The following P3H2 variants were observed in gnomAD, a reference collection of about 807,000 sequenced individuals.
The protein encoded by P3H2 is leprecan-like 1.
P3H2 carries 80 observed loss-of-function variants against 87.0 expected under a neutral mutation model. The observed-to-expected ratio is 0.92, with a 90% CI of 0.77 to 1.11. The LOEUF (loss-of-function observed/expected upper bound fraction) is 1.11, where lower values mean the gene tolerates loss of function less well. Ranked by LOEUF, P3H2 falls within the 50% of genes least tolerant of loss-of-function variation. The pLI is 0.00. For synonymous variants in P3H2, 367 were observed against 359.3 expected, an observed-to-expected ratio of 1.02 and a Z score of -0.24; for missense variants, 1,001 against 923.9, an observed-to-expected ratio of 1.08 and a Z score of -1.08.
intron 1 of P3H2, among the ~76,000 whole-genome samples, chr3:190,096,872 T>C (rs1727605399): frequency 6.6e-6 from 1 of 152,190 alleles, no homozygotes; most frequent in African/African-American, 2.4e-5. Flanking sequence ...CATCTTTTTA[T>C]GAAAAGATAA....
chr3:189,969,694 G>T, intron 13 of P3H2: 1 of 1,337,086 alleles, frequency 7.5e-7, no homozygotes, highest in Non-Finnish European at 1.1e-6. Context: ...TTGCAAGGAG[G>T]ACACAATCAA....
At chr3:190,051,355 T>C (rs1045683872) in intron 1 of P3H2, among the ~76,000 whole-genome samples, 2 of 51,412 alleles carry the variant, frequency 3.9e-5, no homozygotes, top group African/African-American at 1.1e-4. Flanking sequence ...TAGAATTTTA[T>C]GGCATTAAGA....
rs752514367 is a variant in P3H2 at position 190,120,405 on chromosome 3, A to G, written c.327T>C (p.Leu109=). The change falls in exon 1 of 15, where the codon CTT becomes CTC. Residue 109 remains leucine (L), a synonymous_variant. Coordinates refer to ENST00000319332, the MANE Select transcript of P3H2 (RefSeq NM_018192.4). ...PGEGPGAELP[L]FRSLLGRARC... ...GCGCCCGCCCCAACAAGGAGCGGAA[A>G]AGGGGCAGCTCAGCGCCGGGGCCCT... 2.2e-5 allele frequency: 34 copies of G among 1,538,826 alleles called. No homozygotes were observed. In the Admixed American group the frequency reaches 6.5e-4, roughly 29 times the overall value.
At chr3:190,056,841 G>A (rs186420012) in intron 1 of P3H2, among the ~76,000 whole-genome samples, 42 of 152,244 alleles carry the variant, frequency 2.8e-4, no homozygotes, top group Admixed American at 2.0e-3. Context: ...TTTGCCTAGG[G>A]AAAGTCCTCA....
At chr3:190,073,060 T>A (rs1726757211) in intron 1 of P3H2, among the ~76,000 whole-genome samples, 1 of 152,298 alleles carries the variant, frequency 6.6e-6, no homozygotes, top group South Asian at 2.1e-4. Context: ...TCACGTGGTA[T>A]AAAAGAGGTA....
At chr3:190,052,689 G>GTA (rs112938637) in intron 1 of P3H2, among the ~76,000 whole-genome samples, 2,530 of 148,446 alleles carry the variant, frequency 0.017, 37 homozygotes, top group African/African-American at 0.043. Context: ...GTGTGTGTGT[G>GTA]TATATATATA....
intron 1 of P3H2, among the ~76,000 whole-genome samples, chr3:190,097,460 AACAAAACGATTCC>A (rs1233222179): frequency 6.6e-6 from 1 of 152,198 alleles, no homozygotes; most frequent in Non-Finnish European, 1.5e-5. Flanking sequence ...TGAAAAATAA[AACAAAACGATTCC>A]ACCTGTTATG....
intron 14 of P3H2, among the ~76,000 whole-genome samples, chr3:189,962,140 T>G (rs1048264422): frequency 6.7e-6 from 1 of 149,204 alleles, no homozygotes; most frequent in Non-Finnish European, 1.5e-5. Context: ...GTCAGGGCCT[T>G]TCTTTCTTTT....
In P3H2 at chr3:190,120,697, A is replaced by G; in HGVS notation, c.35T>C (p.Leu12Pro). 2 of 1,521,102 alleles carry G rather than the reference A, an allele frequency of 1.3e-6. No homozygotes were observed. Among genetic ancestry groups the G allele is most frequent in the African/African-American group, 1.4e-5 (1 of 71,116 alleles). 94.2% of individuals were successfully genotyped at this position (1,521,102 alleles called of 1,614,324 possible). ...RERIWAPPLLLLLPLLLPPPL... is the reference protein window; with the variant it reads ...RERIWAPPLLPLLPLLLPPPL... ...CGGCGGCAGTAGCAGCGGCAGCAGC[A>G]GCAGCAGCGGCGGCGCCCAGATGCG... Residue 12 changes from leucine (L) to proline (P), a missense_variant, in exon 1 of 15, where the codon CTG becomes CCG. Leu to Pro is a moderately conservative substitution (Grantham distance 98). Transcript: ENST00000319332.
At chr3:189,969,395 T>C (rs1033854598) in intron 13 of P3H2, 57 of 793,798 alleles carry the variant, frequency 7.2e-5, no homozygotes, top group Admixed American at 3.9e-5. Context: ...AGTCCTAGCT[T>C]CTTAGCAGTC....
chr3:190,017,181 C>T (rs1724782258), intron 1 of P3H2, among the ~76,000 whole-genome samples: 2 of 152,000 alleles, frequency 1.3e-5, no homozygotes, highest in Admixed American at 1.3e-4. Flanking sequence ...AAAGGTCTCT[C>T]CATATCCTGA....
intron 14 of P3H2, among the ~76,000 whole-genome samples, chr3:189,962,224 G>C (rs1457363212): frequency 1.5e-5 from 2 of 137,588 alleles, no homozygotes; most frequent in African/African-American, 5.4e-5. Context: ...GTTACAGTGT[G>C]GTGGAGTGAT....
chr3:190,041,557 C>A lies in P3H2; in HGVS notation c.481-46115G>T, dbSNP rs192202970. The stretch of plus-strand genomic sequence containing the variant: ...CTGCTTAAAAGTTTCCATGCCTGAC[C>A]TGCAAATGCTTAAGGAGAATAATAG... On this transcript the variant is annotated intron_variant, in intron 1 of 14. Coordinates refer to ENST00000319332, the MANE Select transcript of P3H2 (RefSeq NM_018192.4). 7.8e-4 allele frequency among the ~76,000 whole-genome samples: 118 copies of A among 152,238 alleles called. 1 individual carries two copies. Among genetic ancestry groups the A allele is most frequent in the South Asian group, 7.5e-3 (36 of 4,830 alleles).
At chr3:190,121,783 G>C (rs1372897766), upstream of P3H2, 1 of 152,214 alleles carries the variant, frequency 6.6e-6, no homozygotes, top group Admixed American at 6.5e-5. Flanking sequence ...CACGTAAAAT[G>C]CTATTCAGAA....
intron 1 of P3H2, among the ~76,000 whole-genome samples, chr3:190,018,598 A>G (rs1156234296): frequency 6.6e-6 from 1 of 152,148 alleles, no homozygotes; most frequent in Non-Finnish European, 1.5e-5. Context: ...AATCTTAGCT[A>G]CTTGGGAGGC....
chr3:189,987,520 G>GTCTCACC lies in P3H2; in HGVS notation c.1098_1098+6dup. 1 of 1,611,628 alleles carries GTCTCACC rather than the reference G, an allele frequency of 6.2e-7. No homozygotes were observed. Among genetic ancestry groups the GTCTCACC allele is most frequent in the South Asian group, 1.1e-5 (1 of 91,000 alleles). On this transcript the variant is annotated splice_region_variant and intron_variant, in intron 5 of 14. Coordinates refer to ENST00000319332, the MANE Select transcript of P3H2 (RefSeq NM_018192.4). ...AAAAGAATTTCTTTTCAAAACATTG[G>GTCTCACC]TCTCACCTCTCTGGCCTCAATGGAT...
intron 1 of P3H2, among the ~76,000 whole-genome samples, chr3:190,038,608 T>C (rs1247047168): frequency 6.6e-6 from 1 of 151,926 alleles, no homozygotes. Flanking sequence ...GAAATAAGGA[T>C]AGAAGCTGGC....
intron 1 of P3H2, among the ~76,000 whole-genome samples, chr3:190,101,812 A>T (rs1711637971): frequency 1.3e-5 from 2 of 152,240 alleles, no homozygotes; most frequent in South Asian, 4.1e-4. Flanking sequence ...AAGATGTCAC[A>T]TAGGACTTTC....
chr3:190,119,171 G>A (rs1199030145), intron 1 of P3H2, among the ~76,000 whole-genome samples: 1 of 38,432 alleles, frequency 2.6e-5, no homozygotes, highest in Admixed American at 2.2e-4. Flanking sequence ...GGAGGGGAGG[G>A]GAGAGGAGAG....
Sources: allele counts gnomAD v4.1 joint callset (sites outside exome capture counted in the v4.1 genomes callset), GRCh38; gene constraint gnomAD v4.1.1; transcripts MANE v1.5; gene names NCBI Gene and HGNC (gene_info 2026-07-23, HGNC 2026-07-21).